The following DOCK1 variants were observed in gnomAD, a reference collection of about 807,000 sequenced individuals.
The protein encoded by DOCK1 is dedicator of cytokinesis protein 1.
In DOCK1, 138 loss-of-function variants were observed where a neutral mutation model predicts 262.7. That is an observed-to-expected ratio of 0.53 (90% CI 0.46 to 0.61). The LOEUF (loss-of-function observed/expected upper bound fraction) is 0.61. Among genes scored for constraint, DOCK1 ranks in the 20% least tolerant of loss-of-function variants. The pLI is 0.00. For synonymous variants in DOCK1, 866 were observed against 867.4 expected, an observed-to-expected ratio of 1.00 and a Z score of 0.03; for missense variants, 1,908 against 2,370.7, an observed-to-expected ratio of 0.80 and a Z score of 4.05.
At chr10:127,017,887 T>C (rs2135399306) in intron 12 of DOCK1, among the ~76,000 whole-genome samples, 1 of 152,322 alleles carries the variant, frequency 6.6e-6, no homozygotes, top group African/African-American at 2.4e-5. Context: ...TGTTTCCTTG[T>C]ACTGTCACCT....
Position 127,426,020 on chromosome 10 carries a change from G to T in DOCK1, c.4914+9G>T. On this transcript the variant is annotated intron_variant, in intron 47 of 51. Coordinates refer to ENST00000623213, the MANE Select transcript of DOCK1 (RefSeq NM_001290223.2). ...ACGGCGTCCGAATCATGGTAAGAGG[G>T]TAGTATGCGTAGTGTTGCAGAAGAG... 2 of 1,613,760 alleles carry T rather than the reference G, an allele frequency of 1.2e-6. No homozygotes were observed. Among genetic ancestry groups the T allele is most frequent in the Non-Finnish European group, 1.7e-6 (2 of 1,179,844 alleles).
intron 1 of DOCK1, among the ~76,000 whole-genome samples, chr10:126,958,937 G>A (rs1186925351): frequency 6.6e-6 from 1 of 152,182 alleles, no homozygotes; most frequent in African/African-American, 2.4e-5. Context: ...AGGCGGTCGG[G>A]GTGCAGCTTG....
intron 4 of DOCK1, among the ~76,000 whole-genome samples, chr10:126,984,233 C>T (rs879291884): frequency 1.3e-5 from 2 of 152,230 alleles, no homozygotes; most frequent in Non-Finnish European, 2.9e-5. Context: ...CTTGACCCCT[C>T]ATTCAGTTAG....
chr10:126,936,760 T>G (rs2134218004), intron 1 of DOCK1, among the ~76,000 whole-genome samples: 1 of 152,324 alleles, frequency 6.6e-6, no homozygotes, highest in Non-Finnish European at 1.5e-5. Flanking sequence ...GCTTACTTCT[T>G]TTTCCTTTAT....
In DOCK1 at chr10:127,024,816, G is replaced by A. The variant is rs780677936; in HGVS notation, c.1551+33G>A. ...TTACATGGTCATTTTATCACATGGC[G>A]CTGATTATGAAATGCTCATTTGTAA... On this transcript the variant is annotated intron_variant, in intron 15 of 51. Coordinates refer to ENST00000623213, the MANE Select transcript of DOCK1 (RefSeq NM_001290223.2). 9.2e-6 allele frequency: 14 copies of A among 1,528,486 alleles called. No homozygotes were observed. In the East Asian group the frequency reaches 1.2e-4, roughly 13 times the overall value. The allele number at this position is 1,528,486 out of a possible 1,614,324, so 94.7% of individuals were successfully genotyped here.
chr10:127,360,257 C>T lies in DOCK1; in HGVS notation c.3284-1807C>T, dbSNP rs964726338. 7.9e-5 allele frequency among the ~76,000 whole-genome samples: 12 copies of T among 152,288 alleles called. No individual in the cohort carries two copies. The East Asian group carries it at 2.1e-3, about 27-fold the overall frequency. ...CTGAACTTGCCTGGTTCACTTCAAG[C>T]TCTTTAGGAGCTCACCCTGATCCTC... On this transcript the variant is annotated intron_variant, in intron 32 of 51. Transcript: ENST00000623213.
intron 27 of DOCK1, among the ~76,000 whole-genome samples, chr10:127,146,336 C>T (rs1184938090): frequency 2.0e-5 from 3 of 152,058 alleles, no homozygotes; most frequent in Non-Finnish European, 2.9e-5. Flanking sequence ...AACAAGTTTC[C>T]TAGCATCTAA....
At chr10:127,248,671 T>G (rs2059513339) in intron 28 of DOCK1, among the ~76,000 whole-genome samples, 1 of 152,226 alleles carries the variant, frequency 6.6e-6, no homozygotes, top group African/African-American at 2.4e-5. Context: ...GAAATTACAT[T>G]GCCATATGGC....
At position 126,928,169 on chromosome 10, in the gene DOCK1, A is replaced by G. The variant is rs2033910222; in HGVS notation, c.46+22606A>G. The stretch of plus-strand genomic sequence containing the variant: ...TGAAGGCGTTCAGCAGAGTGAGAAT[A>G]AGCCGTGAATGGGAGAAAGGACTCG... On this transcript the variant is annotated intron_variant, in intron 1 of 51. Coordinates refer to ENST00000623213, the MANE Select transcript of DOCK1 (RefSeq NM_001290223.2). Among the ~76,000 whole-genome samples the G allele has an allele frequency of 2.6e-5, 4 of 152,188 alleles. No individual in the cohort carries two copies. The South Asian group carries it at 8.3e-4, about 31-fold the overall frequency.
At chr10:126,978,521 G>A (rs1446713670) in intron 3 of DOCK1, among the ~76,000 whole-genome samples, 3 of 152,102 alleles carry the variant, frequency 2.0e-5, no homozygotes, top group African/African-American at 7.2e-5. Context: ...TTACACCTCG[G>A]ATCATTGTGG....
At chr10:126,915,572 C>A (rs1436917098) in intron 1 of DOCK1, among the ~76,000 whole-genome samples, 1 of 152,128 alleles carries the variant, frequency 6.6e-6, no homozygotes, top group African/African-American at 2.4e-5. Context: ...GTGTGCACCA[C>A]CGCATCTGGT....
chr10:127,262,496 C>T (rs2060209747), intron 29 of DOCK1, among the ~76,000 whole-genome samples: 1 of 152,088 alleles, frequency 6.6e-6, no homozygotes, highest in Non-Finnish European at 1.5e-5. Context: ...ACTTTTATTC[C>T]CACATCCTTC....
chr10:126,951,515 T>G (rs955134121), intron 1 of DOCK1, among the ~76,000 whole-genome samples: 74 of 151,718 alleles, frequency 4.9e-4, no homozygotes, highest in Middle Eastern at 6.8e-3. Flanking sequence ...GGTAATGTTG[T>G]TTTTGTTGGT....
intron 29 of DOCK1, among the ~76,000 whole-genome samples, chr10:127,304,606 T>C (rs1398618934): frequency 6.6e-6 from 1 of 152,094 alleles, no homozygotes; most frequent in African/African-American, 2.4e-5. Flanking sequence ...ATAAGTGAGG[T>C]CAGGTGTGTT....
At chr10:127,113,899 C>T (rs2049017300) in intron 25 of DOCK1, among the ~76,000 whole-genome samples, 1 of 152,162 alleles carries the variant, frequency 6.6e-6, no homozygotes, top group Admixed American at 6.5e-5. Flanking sequence ...ACTCAGTCCC[C>T]CAATCCCAAT....
At chr10:126,927,989 C>T (rs1218652586) in intron 1 of DOCK1, among the ~76,000 whole-genome samples, 11 of 152,100 alleles carry the variant, frequency 7.2e-5, no homozygotes, top group Admixed American at 1.3e-4. Flanking sequence ...ACCTGGTCTG[C>T]GAACGCCAGT....
At chr10:127,144,488 T>C (rs2489394) in intron 27 of DOCK1, among the ~76,000 whole-genome samples, 124,046 of 152,172 alleles carry the variant, frequency 0.82, 51,506 homozygotes, top group South Asian at 0.92. Flanking sequence ...GTGCTGGCTC[T>C]GAACCTGCTC....
At chr10:126,996,644 T>C in intron 6 of DOCK1, 104 bp from the exon 7 acceptor site, 1 of 1,217,726 alleles carries the variant, frequency 8.2e-7, no homozygotes, top group Non-Finnish European at 1.1e-6. Flanking sequence ...AGCCCGAGTT[T>C]CTAGGTTGTT....
At chr10:127,061,898 C>CA in intron 23 of DOCK1, 122 bp downstream of exon 23, 1 of 500,162 alleles carries the variant, frequency 2.0e-6, no homozygotes, top group Non-Finnish European at 3.3e-6. Context: ...TTGTTAATGT[C>CA]AGAGATCTCA....
Sources: allele counts gnomAD v4.1 joint callset (sites outside exome capture counted in the v4.1 genomes callset), GRCh38; gene constraint gnomAD v4.1.1; transcripts MANE v1.5; gene names NCBI Gene and HGNC (gene_info 2026-07-23, HGNC 2026-07-21).